Variants in EXT2 observed in about 807,000 individuals in gnomAD.
The protein encoded by EXT2 is exostosin-2.
EXT2 carries 53 observed loss-of-function variants against 81.6 expected under a neutral mutation model. The observed-to-expected ratio is 0.65, with a 90% CI of 0.52 to 0.82. The LOEUF is 0.82. Ranked by LOEUF, EXT2 falls within the 40% of genes least tolerant of loss-of-function variation. The pLI is 0.00. For missense variants in EXT2, 774 were observed against 910.2 expected (o/e 0.85, Z 1.93); for synonymous variants, 320 against 340.0 (o/e 0.94, Z 0.65).
At chr11:44,115,296 C>T (rs1954206347) in intron 4 of EXT2, among the ~76,000 whole-genome samples, 1 of 152,096 alleles carries the variant, frequency 6.6e-6, no homozygotes, top group South Asian at 2.1e-4. Flanking sequence ...CTCAAGTGAC[C>T]CTCCTGCCTC....
At position 44,246,697 on chromosome 11, in the gene EXT2, G is replaced by A. The variant is rs1590678066; in HGVS notation, c.*2410G>A. ...CAGTCACCGTAGAAATTCAAGACAGGGATATAGCAGGTGATGGCGATTCAT... is the reference window on the plus strand; with the variant it reads ...CAGTCACCGTAGAAATTCAAGACAGAGATATAGCAGGTGATGGCGATTCAT... On this transcript the variant is annotated 3_prime_UTR_variant, in exon 14 of 14. Transcript: ENST00000533608. Among the ~76,000 whole-genome samples, 1 of 152,280 alleles carries A rather than the reference G, an allele frequency of 6.6e-6. No homozygotes were observed. Among genetic ancestry groups the A allele is most frequent in the South Asian group, 2.1e-4 (1 of 4,816 alleles).
At chr11:44,231,773 A>G (rs920310581) in intron 10 of EXT2, among the ~76,000 whole-genome samples, 5 of 152,212 alleles carry the variant, frequency 3.3e-5, no homozygotes, top group African/African-American at 9.7e-5. Context: ...TTAATCCAAC[A>G]AAGCTCTTAT....
intron 7 of EXT2, among the ~76,000 whole-genome samples, chr11:44,135,260 T>A (rs1479076528): frequency 1.3e-5 from 2 of 152,212 alleles, no homozygotes; most frequent in Non-Finnish European, 2.9e-5. Flanking sequence ...TCAACACATT[T>A]GAATTATTTG....
intron 7 of EXT2, among the ~76,000 whole-genome samples, chr11:44,137,992 G>A (rs145435044): frequency 1.6e-3 from 241 of 152,252 alleles, no homozygotes; most frequent in African/African-American, 5.5e-3. Context: ...AGGAGAGCCA[G>A]GAATGACCTC....
rs752986576 is a variant in EXT2 at position 44,114,223 on chromosome 11, A to G, written c.665A>G (p.Tyr222Cys). Residue 222 changes from tyrosine (Y) to cysteine (C), a missense_variant, in exon 4 of 14, where the codon TAC becomes TGC. By Grantham distance (194) the Tyr-to-Cys change is radical. Coordinates refer to ENST00000533608, the MANE Select transcript of EXT2 (RefSeq NM_207122.2). ...LAGGGFSTWT[Y>C]RQGYDVSIPV... Reference sequence around the variant, plus strand: ...GGTGGCGGCTTTTCTACGTGGACTTACCGGCAAGGCTACGATGTCAGCATT... The same window carrying G: ...GGTGGCGGCTTTTCTACGTGGACTTGCCGGCAAGGCTACGATGTCAGCATT... 13 of 1,614,038 alleles carry G rather than the reference A, an allele frequency of 8.1e-6. No individual in the cohort carries two copies. Among genetic ancestry groups the G allele is most frequent in the Admixed American group, 1.7e-5 (1 of 60,020 alleles).
intron 1 of EXT2, among the ~76,000 whole-genome samples, chr11:44,102,498 G>A (rs1482162356): frequency 6.7e-6 from 1 of 148,298 alleles, no homozygotes; most frequent in Non-Finnish European, 1.5e-5. Flanking sequence ...CAAGTAAGTA[G>A]ACTACTTGCA....
At chr11:44,178,246 G>A (rs1955185648) in intron 8 of EXT2, among the ~76,000 whole-genome samples, 1 of 152,300 alleles carries the variant, frequency 6.6e-6, no homozygotes, top group Non-Finnish European at 1.5e-5. Context: ...GGGTAGGTCT[G>A]GGGTAGGAAC....
intron 9 of EXT2, among the ~76,000 whole-genome samples, chr11:44,201,211 A>T (rs557403478): frequency 6.6e-6 from 1 of 152,354 alleles, no homozygotes; most frequent in African/African-American, 2.4e-5. Context: ...GCTAAGCAAT[A>T]GAAGTTGGGC....
intron 7 of EXT2, among the ~76,000 whole-genome samples, chr11:44,160,595 C>T (rs951989392): frequency 5.9e-5 from 9 of 152,098 alleles, no homozygotes; most frequent in Admixed American, 5.9e-4. Context: ...CCTAGACTAG[C>T]AGAAGCATGG....
At position 44,250,480 on chromosome 11, in the gene EXT2, G is replaced by T. The variant is rs1178597448; in HGVS notation, c.*6193G>T. Reference sequence around the variant, plus strand: ...GATCGTTTACCAGATTGTACCTGGTGATGCTGGCAGCCAGCCCTCTTCCGG... The same window carrying T: ...GATCGTTTACCAGATTGTACCTGGTTATGCTGGCAGCCAGCCCTCTTCCGG... On this transcript the variant is annotated 3_prime_UTR_variant, in exon 14 of 14. Coordinates refer to ENST00000533608, the MANE Select transcript of EXT2 (RefSeq NM_207122.2). 6.6e-6 allele frequency among the ~76,000 whole-genome samples: 1 copy of T among 152,184 alleles called. No homozygotes were observed. The highest frequency in any genetic ancestry group is 2.4e-5 in the African/African-American group (1 of 41,438).
intron 10 of EXT2, among the ~76,000 whole-genome samples, chr11:44,222,822 C>T (rs1238558568): frequency 2.0e-5 from 3 of 152,078 alleles, no homozygotes; most frequent in African/African-American, 7.2e-5. Flanking sequence ...TGTCAAAGAC[C>T]TTGTGAAGAG....
intron 8 of EXT2, among the ~76,000 whole-genome samples, chr11:44,182,445 T>G (rs2135151265): frequency 6.6e-6 from 1 of 152,332 alleles, no homozygotes; most frequent in South Asian, 2.1e-4. Flanking sequence ...TGTAGGTTAT[T>G]GTCCACCTAT....
chr11:44,181,037 G>T (rs1226945677), intron 8 of EXT2, among the ~76,000 whole-genome samples: 1 of 151,902 alleles, frequency 6.6e-6, no homozygotes, highest in South Asian at 2.1e-4. Flanking sequence ...GGAGGCGGAG[G>T]TTGCAGGGAG....
intron 1 of EXT2, chr11:44,096,413 G>T: frequency 7.7e-7 from 1 of 1,306,518 alleles, no homozygotes; most frequent in South Asian, 1.3e-5. Context: ...CTAGATGGCC[G>T]GGGGCGTGTT....
At chr11:44,208,392 C>T (rs1955609043) in intron 10 of EXT2, among the ~76,000 whole-genome samples, 1 of 152,118 alleles carries the variant, frequency 6.6e-6, no homozygotes, top group East Asian at 1.9e-4. Context: ...GAAGGGTGGG[C>T]TAAATGTATT....
At chr11:44,101,102 TGGGTTGG>T (rs1332243770) in intron 1 of EXT2, among the ~76,000 whole-genome samples, 3 of 148,738 alleles carry the variant, frequency 2.0e-5, no homozygotes, top group African/African-American at 7.5e-5. Flanking sequence ...GGAAACACAG[TGGGTTGG>T]GGGTGGGGTG....
At chr11:44,182,609 G>A (rs962848) in intron 8 of EXT2, among the ~76,000 whole-genome samples, 86,776 of 152,024 alleles carry the variant, frequency 0.57, 25,234 homozygotes, top group Middle Eastern at 0.71. Flanking sequence ...AGATTCTTCA[G>A]CTGTTTATCT....
intron 10 of EXT2, among the ~76,000 whole-genome samples, chr11:44,212,844 TC>T (rs1200043190): frequency 6.6e-5 from 10 of 152,144 alleles, no homozygotes; most frequent in African/African-American, 2.2e-4. Flanking sequence ...ACTGTATGAC[TC>T]CGTGTATATG....
chr11:44,177,956 T>G (rs1234019350), intron 8 of EXT2, among the ~76,000 whole-genome samples: 1 of 152,112 alleles, frequency 6.6e-6, no homozygotes, highest in African/African-American at 2.4e-5. Flanking sequence ...CTAGCCAGAG[T>G]GGCAACTTCA....
Sources: gnomAD v4.1 joint callset for allele counts (sites outside exome capture counted in the v4.1 genomes callset) on GRCh38, gnomAD v4.1.1 for gene constraint, MANE v1.5 for transcripts, NCBI Gene and HGNC (gene_info 2026-07-23, HGNC 2026-07-21) for gene names.